AP3D1: variants seen among roughly 807,000 people sequenced by gnomAD.
AP3D1 encodes AP-3 complex subunit delta-1.
AP3D1 carries 51 observed loss-of-function variants against 147.6 expected under a neutral mutation model. The observed-to-expected ratio is 0.35, with a 90% CI of 0.28 to 0.44. The LOEUF (loss-of-function observed/expected upper bound fraction) is 0.44. AP3D1 is among the 20% of genes least tolerant of loss of function. AP3D1 has a pLI of 1.00. For missense variants in AP3D1, 1,421 were observed against 1,624.2 expected (o/e 0.87, Z 2.15); for synonymous variants, 760 against 663.0 (o/e 1.15, Z -2.25).
At position 2,114,120 on chromosome 19, in the gene AP3D1, C is replaced by T; in HGVS notation, c.2601+5G>A. On this transcript the variant is annotated splice_donor_5th_base_variant and intron_variant, in intron 22 of 31. Transcript: ENST00000643116. ...GAAGGCCGCCGCCCTGGGCACTAGC[C>T]TTACCTTCTTCTCCTTCTCCTTCTT... The T allele has an allele frequency of 1.3e-6, 2 of 1,550,434 alleles. No individual in the cohort carries two copies. Among genetic ancestry groups the T allele is most frequent in the Non-Finnish European group, 1.7e-6 (2 of 1,146,188 alleles).
intron 11 of AP3D1, among the ~76,000 whole-genome samples, chr19:2,122,548 G>A (rs183609299): frequency 8.5e-5 from 13 of 152,332 alleles, no homozygotes; most frequent in Non-Finnish European, 1.5e-4. Context: ...ACTGAGACCC[G>A]CGTGTGGGTG....
At chr19:2,150,572 C>A (rs1184120883) in intron 1 of AP3D1, among the ~76,000 whole-genome samples, 1 of 152,224 alleles carries the variant, frequency 6.6e-6, no homozygotes, top group Non-Finnish European at 1.5e-5. Context: ...ATGCCGCTGT[C>A]CTTCCTCCCT....
chr19:2,107,884 G>A (rs764513332), intron 31 of AP3D1, among the ~76,000 whole-genome samples: 16 of 152,298 alleles, frequency 1.1e-4, no homozygotes, highest in Middle Eastern at 3.4e-3. Flanking sequence ...ACCGCCACGC[G>A]TCAACTCAGT....
At chr19:2,112,686 G>A (rs974652946) in intron 24 of AP3D1, 174 bp downstream of exon 24, 6 of 561,238 alleles carry the variant, frequency 1.1e-5, no homozygotes, top group South Asian at 2.4e-5. Flanking sequence ...GAATAAGAAG[G>A]TTATTAAAAA....
rs186810054 is a variant in AP3D1 at position 2,121,216 on chromosome 19, C to T, written c.1197G>A (p.Lys399=). The T allele has an allele frequency of 5.5e-5, 89 of 1,614,200 alleles. No homozygotes were observed. The highest frequency in any genetic ancestry group is 4.9e-4 in the Middle Eastern group (3 of 6,062). ...TGGACTGGCTGCAGATGTCAATGAT[C>T]TTGGTGAGCAGCTCGTCACGGTAGG... ...GTTYRDELLT[K]IIDICSQSNY... The change falls in exon 13 of 32, where the codon AAG becomes AAA. Residue 399 remains lysine (K), a synonymous_variant. Coordinates refer to ENST00000643116, the MANE Select transcript of AP3D1 (RefSeq NM_001261826.3).
intron 8 of AP3D1, among the ~76,000 whole-genome samples, chr19:2,127,875 T>C (rs1455963036): frequency 1.3e-5 from 2 of 151,962 alleles, no homozygotes; most frequent in Admixed American, 6.6e-5. Context: ...CACCATGGAG[T>C]CGCAGCTGCT....
At position 2,120,659 on chromosome 19, in the gene AP3D1, G is replaced by A. The variant is rs376626566; in HGVS notation, c.1481+203C>T. ...GATGCCCGAGGGCAGAGGGCAGACAGGGCAGCACAGACTCGCCTCTGTAAA... is the reference window on the plus strand; with the variant it reads ...GATGCCCGAGGGCAGAGGGCAGACAAGGCAGCACAGACTCGCCTCTGTAAA... On this transcript the variant is annotated intron_variant, in intron 14 of 31. Coordinates refer to ENST00000643116, the MANE Select transcript of AP3D1 (RefSeq NM_001261826.3). 6.6e-5 allele frequency among the ~76,000 whole-genome samples: 10 copies of A among 152,338 alleles called. No individual in the cohort carries two copies. In the East Asian group the frequency reaches 9.7e-4, roughly 15 times the overall value.
At chr19:2,115,665 G>A (rs2018425841) in intron 18 of AP3D1, 52 bp from the exon 19 acceptor site, 2 of 1,566,006 alleles carry the variant, frequency 1.3e-6, no homozygotes, top group African/African-American at 1.4e-5. Context: ...TGACACACGT[G>A]CAAGACAAGC....
intron 22 of AP3D1, among the ~76,000 whole-genome samples, chr19:2,113,665 A>G (rs2018351811): frequency 1.3e-5 from 2 of 152,242 alleles, no homozygotes; most frequent in Admixed American, 6.5e-5. Flanking sequence ...TCCAGTGGTC[A>G]GAAGGCCCGT....
intron 31 of AP3D1, among the ~76,000 whole-genome samples, chr19:2,106,506 C>T (rs1203598463): frequency 6.6e-6 from 1 of 152,054 alleles, no homozygotes; most frequent in Non-Finnish European, 1.5e-5. Context: ...CCCTTGGCTC[C>T]ACTGTACTCT....
At chr19:2,148,766 G>T (rs1405881631) in intron 1 of AP3D1, among the ~76,000 whole-genome samples, 1 of 152,200 alleles carries the variant, frequency 6.6e-6, no homozygotes, top group Non-Finnish European at 1.5e-5. Context: ...CTACTCCATC[G>T]CACTGCCTTT....
intron 24 of AP3D1, 150 bp downstream of exon 24, chr19:2,112,710 A>G (rs1334071054): frequency 1.6e-5 from 9 of 579,264 alleles, no homozygotes; most frequent in Middle Eastern, 4.2e-4. Context: ...ACAAGACCAC[A>G]ACCACAACAA....
Position 2,121,634 on chromosome 19 carries a change from T to TC in AP3D1, c.1101+99_1101+100insG, listed in dbSNP as rs1308266015. ...CACCACACTAACTGATGGCCGAGTG[T>TC]GAGGGGACTCCATGCATTCCACGTG... On this transcript the variant is annotated intron_variant, in intron 12 of 31. Transcript: ENST00000643116. 4.9e-6 allele frequency: 7 copies of TC among 1,442,634 alleles called. No individual in the cohort carries two copies. In the African/African-American group the frequency reaches 1.0e-4, roughly 21 times the overall value. The allele number at this position is 1,442,634 out of a possible 1,614,324, so 89.4% of individuals were successfully genotyped here. A position where few individuals can be genotyped will look rare whatever the true frequency, so the allele number is the denominator to read the frequency against.
At position 2,121,038 on chromosome 19, in the gene AP3D1, G is replaced by A; in HGVS notation, c.1305C>T (p.His435=). 4 of 1,612,906 alleles carry A rather than the reference G, an allele frequency of 2.5e-6. No homozygotes were observed. Among genetic ancestry groups the A allele is most frequent in the Non-Finnish European group, 3.4e-6 (4 of 1,179,972 alleles). ...CGTCCAGCATTTGGGCGGCGATGAGGTGGCCGTGCCGTGTGCCCTCCAGCC... is the reference window on the plus strand; with the variant it reads ...CGTCCAGCATTTGGGCGGCGATGAGATGGCCGTGCCGTGTGCCCTCCAGCC... ...LTRLEGTRHG[H]LIAAQMLDVA... Residue 435 remains histidine, a synonymous_variant, in exon 14 of 32, where the codon CAC becomes CAT. Coordinates refer to ENST00000643116, the MANE Select transcript of AP3D1 (RefSeq NM_001261826.3).
chr19:2,158,857 G>A (rs1433582206), intron 1 of AP3D1, among the ~76,000 whole-genome samples: 1 of 152,102 alleles, frequency 6.6e-6, no homozygotes, highest in Non-Finnish European at 1.5e-5. Flanking sequence ...TACCGTCTTT[G>A]TTTCAAAGTT....
In AP3D1 at chr19:2,112,869, G is replaced by C. The variant is rs745807737; in HGVS notation, c.2778C>G (p.Asp926Glu). 1.2e-6 allele frequency: 2 copies of C among 1,611,422 alleles called. No homozygotes were observed. Among genetic ancestry groups the C allele is most frequent in the Non-Finnish European group, 1.7e-6 (2 of 1,178,752 alleles). Residue 926 changes from aspartate to glutamate, a missense_variant, in exon 24 of 32, where the codon GAC becomes GAG. Asp to Glu is a conservative substitution (Grantham distance 45). This residue lies in a region of AP3D1 where 791 missense variants were observed against 761.4 expected (regional missense o/e 1.04). Coordinates refer to ENST00000643116, the MANE Select transcript of AP3D1 (RefSeq NM_001261826.3). Reference sequence around the variant, plus strand: ...GGAGTGACAGCCTCACCTTGTCCTGGTCTTGCCCCTCGGCATCGTCCTCCT... The same window carrying C: ...GGAGTGACAGCCTCACCTTGTCCTGCTCTTGCCCCTCGGCATCGTCCTCCT... ...QGEEDDAEGQ[D>E]QDKKSPKPKK... is the part of the protein sequence containing the mutation.
At chr19:2,109,298 C>T (rs1366861670) in intron 29 of AP3D1, 91 bp from the exon 30 acceptor site, 19 of 1,462,126 alleles carry the variant, frequency 1.3e-5, no homozygotes, top group Middle Eastern at 2.1e-4. Context: ...ACACACGCTG[C>T]GCTTGGACAC....
chr19:2,114,300 G>A lies in AP3D1; in HGVS notation c.2426C>T (p.Pro809Leu). The A allele has an allele frequency of 4.3e-6, 7 of 1,610,528 alleles. No individual in the cohort carries two copies. The highest frequency in any genetic ancestry group is 5.9e-6 in the Non-Finnish European group (7 of 1,178,984). Residue 809 changes from proline (P) to leucine (L), a missense_variant and splice_region_variant, in exon 22 of 32, where the codon CCC becomes CTC. This residue lies in a region of AP3D1 where 791 missense variants were observed against 761.4 expected (regional missense o/e 1.04). Coordinates refer to ENST00000643116, the MANE Select transcript of AP3D1 (RefSeq NM_001261826.3). The stretch of plus-strand genomic sequence containing the variant: ...AGGCAGTTTCTCGCTGTCGGCTAAG[G>A]GCCTGGAGGAGGAATGACCGGGCCA... ...YRALDIDLDKPLADSEKLPIQ... is the reference protein window; with the variant it reads ...YRALDIDLDKLLADSEKLPIQ...
chr19:2,149,013 A>G (rs760692762), intron 1 of AP3D1, among the ~76,000 whole-genome samples: 2 of 152,166 alleles, frequency 1.3e-5, no homozygotes, highest in Non-Finnish European at 2.9e-5. Flanking sequence ...AGGTACAACT[A>G]GAACTGTCAT....
Sources: gnomAD v4.1 joint callset for allele counts (sites outside exome capture counted in the v4.1 genomes callset) on GRCh38, gnomAD v4.1.1 for gene constraint, gnomAD v4.1.1 regional missense constraint, MANE v1.5 for transcripts, NCBI Gene and HGNC (gene_info 2026-07-23, HGNC 2026-07-21) for gene names.